Variants in ZNF84 observed in about 807,000 individuals in gnomAD.
ZNF84 encodes zinc finger protein 84.
In ZNF84, 12 loss-of-function variants were observed where a neutral mutation model predicts 14.8. The ratio of observed to expected loss-of-function variants is 0.81; its 90% CI spans 0.52 to 1.31. ZNF84 has a LOEUF of 1.31. ZNF84 is among the 50% of genes most tolerant of loss of function. The pLI, the probability that ZNF84 is intolerant of heterozygous loss-of-function variation, is 0.00. For missense variants in ZNF84, 859 were observed against 878.6 expected (o/e 0.98, Z 0.28); for synonymous variants, 347 against 291.1 (o/e 1.19, Z -1.96).
Position 133,057,079 on chromosome 12 carries a change from C to A in ZNF84, c.364C>A (p.Pro122Thr). 1.9e-6 allele frequency: 3 copies of A among 1,613,386 alleles called. No homozygotes were observed. The South Asian group carries it at 3.3e-5, about 18-fold the overall frequency. The change falls in exon 5 of 5, where the codon CCT becomes ACT. Residue 122 changes from proline to threonine, a missense_variant. Pro to Thr is a conservative substitution (Grantham distance 38). Coordinates refer to ENST00000539354, the MANE Select transcript of ZNF84 (RefSeq NM_001289971.2). Reference protein sequence around the residue: ...KNFNLNMNFVPLRKSNSEGDL... With the variant: ...KNFNLNMNFVTLRKSNSEGDL... ...TTTCAATCTGAACATGAACTTTGTT[C>A]CTTTAAGGAAATCAAACAGTGAAGG...
At position 133,057,702 on chromosome 12, in the gene ZNF84, T is replaced by C; in HGVS notation, c.987T>C (p.Ser329=). ...YGCNECGRAF[S]EKSNLINHQR... Reference sequence around the variant, plus strand: ...GCAATGAATGTGGGAGGGCCTTTAGTGAAAAGTCCAATCTCATTAACCATC... The same window carrying C: ...GCAATGAATGTGGGAGGGCCTTTAGCGAAAAGTCCAATCTCATTAACCATC... Residue 329 remains serine (S), a synonymous_variant, in exon 5 of 5, where the codon AGT becomes AGC. Transcript: ENST00000539354. 1 of 1,613,338 alleles carries C rather than the reference T, an allele frequency of 6.2e-7. No homozygotes were observed. The highest frequency in any genetic ancestry group is 1.1e-5 in the South Asian group (1 of 91,020).
At chr12:133,049,050 ATC>A (rs1954032078) in intron 4 of ZNF84, among the ~76,000 whole-genome samples, 1 of 152,194 alleles carries the variant, frequency 6.6e-6, no homozygotes, top group Admixed American at 6.5e-5. Context: ...TCTTTTCAAA[ATC>A]TCTAAACCTT....
At chr12:133,056,813 A>G (rs1416164867) in intron 4 of ZNF84, 141 bp from the exon 5 acceptor site, 15 of 587,138 alleles carry the variant, frequency 2.6e-5, no homozygotes, top group African/African-American at 2.0e-4. Flanking sequence ...GAAGATAGTT[A>G]TTATACTTGG....
Sources: allele counts gnomAD v4.1 joint callset (sites outside exome capture counted in the v4.1 genomes callset), GRCh38; gene constraint gnomAD v4.1.1; transcripts MANE v1.5; gene names NCBI Gene and HGNC (gene_info 2026-07-23, HGNC 2026-07-21).